B3GALT1: variants seen among roughly 807,000 people sequenced by gnomAD.
B3GALT1 encodes UDP-Gal:betaGlcNAc beta 1,3-galactosyltransferase, polypeptide 1.
Under a neutral mutation model 23.2 loss-of-function variants are expected in B3GALT1, and 10 were observed. The ratio of observed to expected loss-of-function variants is 0.43; its 90% CI spans 0.27 to 0.73. The LOEUF (loss-of-function observed/expected upper bound fraction) is 0.73. Ranked by LOEUF, B3GALT1 falls within the 30% of genes least tolerant of loss-of-function variation. B3GALT1 has a pLI of 0.21. For synonymous variants in B3GALT1, 156 were observed against 141.5 expected (o/e 1.10, Z -0.73); for missense variants, 299 against 405.4 (o/e 0.74, Z 2.25).
intron 2 of B3GALT1, among the ~76,000 whole-genome samples, chr2:167,517,813 A>G (rs948528416): frequency 3.3e-5 from 5 of 152,106 alleles, no homozygotes; most frequent in African/African-American, 1.2e-4. Flanking sequence ...CTGGAGTTGT[A>G]TGAGCAACAC....
At chr2:167,382,357 A>G (rs1697857699) in intron 1 of B3GALT1, among the ~76,000 whole-genome samples, 1 of 149,648 alleles carries the variant, frequency 6.7e-6, no homozygotes, top group Admixed American at 6.6e-5. Flanking sequence ...TTCCCTCTTT[A>G]CTACTTTTTC....
intron 3 of B3GALT1, among the ~76,000 whole-genome samples, chr2:167,748,608 T>C (rs962413840): frequency 4.6e-5 from 7 of 152,234 alleles, no homozygotes; most frequent in African/African-American, 1.7e-4. Flanking sequence ...GGCAACTATG[T>C]GGAAGTGCAT....
chr2:167,711,859 T>C (rs1687052864), intron 3 of B3GALT1, among the ~76,000 whole-genome samples: 1 of 152,048 alleles, frequency 6.6e-6, no homozygotes, highest in African/African-American at 2.4e-5. Context: ...TCTCAGCTAC[T>C]TGGGAGGCTG....
intron 3 of B3GALT1, among the ~76,000 whole-genome samples, chr2:167,759,669 G>C (rs544990849): frequency 6.6e-6 from 1 of 152,256 alleles, no homozygotes; most frequent in South Asian, 2.1e-4. Flanking sequence ...GGGCAGTGTT[G>C]ATTTTTTTCC....
At chr2:167,311,750 A>T (rs1696637440) in intron 1 of B3GALT1, among the ~76,000 whole-genome samples, 1 of 152,030 alleles carries the variant, frequency 6.6e-6, no homozygotes, top group Non-Finnish European at 1.5e-5. Flanking sequence ...GATTAGATCC[A>T]ATAGAGAGAT....
At chr2:167,559,405 T>C (rs1186636217) in intron 2 of B3GALT1, among the ~76,000 whole-genome samples, 1 of 152,082 alleles carries the variant, frequency 6.6e-6, no homozygotes, top group Non-Finnish European at 1.5e-5. Context: ...GCGCCTCTCC[T>C]CCTCCAAAGG....
intron 1 of B3GALT1, among the ~76,000 whole-genome samples, chr2:167,298,335 T>C (rs1025759135): frequency 4.6e-5 from 7 of 152,146 alleles, no homozygotes; most frequent in African/African-American, 1.7e-4. Flanking sequence ...ACTTTGCCAG[T>C]TGCTCATTAA....
Position 167,869,374 on chromosome 2 carries a change from T to C in B3GALT1, c.335T>C (p.Ile112Thr). The change falls in exon 5 of 5, where the codon ATA becomes ACA. Residue 112 changes from isoleucine (I) to threonine (T), a missense_variant. This residue lies in a region of B3GALT1 where 162 missense variants were observed against 184.1 expected (regional missense o/e 0.88). Transcript: ENST00000392690. The surrounding 1 kb of genome is among the most constrained non-coding windows in gnomAD (Gnocchi z 6.4). The part of the protein sequence containing the change: ...GDENNFKGIK[I>T]ATLFLLGKNA... ...GAGAACAACTTTAAGGGGATCAAGA[T>C]AGCCACCCTGTTCCTCCTGGGCAAG... 1 of 1,614,128 alleles carries C rather than the reference T, an allele frequency of 6.2e-7. No homozygotes were observed. Among genetic ancestry groups the C allele is most frequent in the Non-Finnish European group, 8.5e-7 (1 of 1,180,022 alleles).
chr2:167,380,601 C>G (rs571806851), intron 1 of B3GALT1, among the ~76,000 whole-genome samples: 54 of 152,230 alleles, frequency 3.5e-4, no homozygotes, highest in African/African-American at 1.2e-3. Flanking sequence ...TTGTATGCAC[C>G]CAGATTAAAA....
chr2:167,507,378 G>C (rs1340983107), intron 2 of B3GALT1, among the ~76,000 whole-genome samples: 1 of 151,520 alleles, frequency 6.6e-6, no homozygotes, highest in African/African-American at 2.4e-5. Context: ...GTGGTGGCAC[G>C]CACCTGTAAT....
chr2:167,566,637 C>T (rs1384721179), intron 2 of B3GALT1, among the ~76,000 whole-genome samples: 1 of 152,072 alleles, frequency 6.6e-6, no homozygotes, highest in Non-Finnish European at 1.5e-5. Context: ...ATGGAGTTTG[C>T]TAATTGAGCC....
intron 1 of B3GALT1, among the ~76,000 whole-genome samples, chr2:167,298,561 A>G (rs898785141): frequency 1.3e-5 from 2 of 152,082 alleles, no homozygotes; most frequent in Non-Finnish European, 2.9e-5. Flanking sequence ...TTCATTCTTT[A>G]TGTCTATAGC....
At chr2:167,376,380 C>T (rs1460750041) in intron 1 of B3GALT1, among the ~76,000 whole-genome samples, 1 of 151,928 alleles carries the variant, frequency 6.6e-6, no homozygotes, top group African/African-American at 2.4e-5. Context: ...AGGGAGGAGT[C>T]CCTTCTCAAT....
intron 1 of B3GALT1, among the ~76,000 whole-genome samples, chr2:167,298,093 A>G (rs1362804185): frequency 6.6e-6 from 1 of 152,172 alleles, no homozygotes; most frequent in African/African-American, 2.4e-5. Context: ...TTAAACCACA[A>G]GTAAACCAAC....
At chr2:167,753,512 C>T (rs1026737925) in intron 3 of B3GALT1, among the ~76,000 whole-genome samples, 22 of 152,120 alleles carry the variant, frequency 1.4e-4, no homozygotes, top group African/African-American at 5.1e-4. Flanking sequence ...CCTTGTGAAG[C>T]TTTTTTCATT....
chr2:167,347,522 A>C (rs1428346153), intron 1 of B3GALT1, among the ~76,000 whole-genome samples: 1 of 152,194 alleles, frequency 6.6e-6, no homozygotes, highest in Non-Finnish European at 1.5e-5. Context: ...GAGGTTCTGC[A>C]TCAGCAGGTT....
chr2:167,328,150 G>A lies in B3GALT1; in HGVS notation c.-511+34816G>A, dbSNP rs572695203. Among the ~76,000 whole-genome samples the A allele has an allele frequency of 2.6e-5, 4 of 152,256 alleles. No individual in the cohort carries two copies. In the East Asian group the frequency reaches 7.7e-4, roughly 29 times the overall value. ...TATTTTGTTAAGGATTTTTGTGCCT[G>A]TGTTCATCAGAGATGTTGACCTGTA... On this transcript the variant is annotated intron_variant, in intron 1 of 4. Coordinates refer to ENST00000392690, the MANE Select transcript of B3GALT1 (RefSeq NM_020981.4).
At chr2:167,340,485 A>G (rs563896713) in intron 1 of B3GALT1, among the ~76,000 whole-genome samples, 1 of 152,282 alleles carries the variant, frequency 6.6e-6, no homozygotes, top group African/African-American at 2.4e-5. Flanking sequence ...AAAAGGACCA[A>G]AAAAATAGTT....
chr2:167,334,398 T>C (rs1697022371), intron 1 of B3GALT1, among the ~76,000 whole-genome samples: 2 of 152,198 alleles, frequency 1.3e-5, no homozygotes, highest in Admixed American at 1.3e-4. Context: ...ATTCATTATG[T>C]TAAAGACAGT....
Sources: allele counts gnomAD v4.1 joint callset (sites outside exome capture counted in the v4.1 genomes callset), GRCh38; gene constraint gnomAD v4.1.1; regional missense constraint gnomAD v4.1.1; non-coding constraint Gnocchi (gnomAD v3.1); transcripts MANE v1.5; gene names NCBI Gene and HGNC (gene_info 2026-07-23, HGNC 2026-07-21).